PPP1R9A: variants seen among roughly 807,000 people sequenced by gnomAD.
PPP1R9A encodes the protein neurabin-1.
In PPP1R9A, 59 loss-of-function variants were observed where a neutral mutation model predicts 141.9. That is an observed-to-expected ratio of 0.42 (90% CI 0.34 to 0.52). The LOEUF (loss-of-function observed/expected upper bound fraction) is 0.52. PPP1R9A is among the 20% of genes least tolerant of loss of function. The pLI is 0.10. For missense variants in PPP1R9A, 1,444 were observed against 1,611.9 expected (o/e 0.90, Z 1.78); for synonymous variants, 500 against 569.7 (o/e 0.88, Z 1.74).
At chr7:95,186,523 A>T (rs952060578) in intron 5 of PPP1R9A, among the ~76,000 whole-genome samples, 2 of 152,058 alleles carry the variant, frequency 1.3e-5, no homozygotes, top group African/African-American at 4.8e-5. Flanking sequence ...CTTTTGTCTG[A>T]TTGCTATGGC....
intron 2 of PPP1R9A, among the ~76,000 whole-genome samples, chr7:95,048,321 A>G (rs1346922344): frequency 2.0e-5 from 3 of 152,164 alleles, no homozygotes; most frequent in Non-Finnish European, 4.4e-5. Flanking sequence ...GATAAACAGG[A>G]TCAGATCATA....
intron 16 of PPP1R9A, among the ~76,000 whole-genome samples, chr7:95,277,854 T>C (rs1803477073): frequency 6.6e-6 from 1 of 152,230 alleles, no homozygotes; most frequent in Admixed American, 6.5e-5. Context: ...TATTCTGGAG[T>C]AAGTAGCCAC....
At position 95,288,694 on chromosome 7, in the gene PPP1R9A, G is replaced by A. The variant is rs1277443138; in HGVS notation, c.3888G>A (p.Leu1296=). ...SAQNITGEQL[L]QLDGNKLKAL... ...AAAACATCACTGGAGAACAGCTCCT[G>A]CAGTTGGATGGAAATAAACTTAAGG... Residue 1296 remains leucine (L), a synonymous_variant, in exon 19 of 20, where the codon CTG becomes CTA. Transcript: ENST00000433360. The A allele has an allele frequency of 5.0e-6, 8 of 1,613,818 alleles. No individual in the cohort carries two copies. In the Admixed American group the frequency reaches 1.0e-4, roughly 20 times the overall value.
chr7:95,001,494 A>G (rs1043207068), intron 2 of PPP1R9A, among the ~76,000 whole-genome samples: 3 of 152,210 alleles, frequency 2.0e-5, no homozygotes, highest in African/African-American at 4.8e-5. Flanking sequence ...CATGTAATAC[A>G]CTAAGAAGTA....
intron 2 of PPP1R9A, among the ~76,000 whole-genome samples, chr7:94,985,902 A>C (rs758556340): frequency 1.3e-5 from 2 of 152,200 alleles, no homozygotes; most frequent in African/African-American, 2.4e-5. Flanking sequence ...GATATGAGAA[A>C]GTTTTCAGAA....
chr7:94,924,635 T>G (rs1461887620), intron 2 of PPP1R9A, among the ~76,000 whole-genome samples: 2 of 152,122 alleles, frequency 1.3e-5, no homozygotes, highest in Non-Finnish European at 2.9e-5. Context: ...TTCAAGCGAT[T>G]CTCCCACCTC....
At chr7:95,235,401 C>T (rs1433656162) in intron 8 of PPP1R9A, among the ~76,000 whole-genome samples, 1 of 152,030 alleles carries the variant, frequency 6.6e-6, no homozygotes, top group Admixed American at 6.6e-5. Flanking sequence ...AACAAATGTC[C>T]AACAAACATA....
intron 5 of PPP1R9A, among the ~76,000 whole-genome samples, chr7:95,173,209 G>A (rs1219003996): frequency 6.6e-6 from 1 of 151,842 alleles, no homozygotes; most frequent in East Asian, 1.9e-4. Context: ...TATATAAATT[G>A]GAGCTAGACA....
chr7:95,030,383 T>G (rs1322890753), intron 2 of PPP1R9A, among the ~76,000 whole-genome samples: 3 of 152,220 alleles, frequency 2.0e-5, no homozygotes, highest in Non-Finnish European at 4.4e-5. Flanking sequence ...CTTTGGCATT[T>G]GGTGGTGTTC....
At chr7:94,972,316 T>C (rs986450416) in intron 2 of PPP1R9A, among the ~76,000 whole-genome samples, 13 of 152,186 alleles carry the variant, frequency 8.5e-5, no homozygotes, top group African/African-American at 3.1e-4. Context: ...TCATGATTTA[T>C]TACATTAATG....
intron 7 of PPP1R9A, among the ~76,000 whole-genome samples, chr7:95,217,442 G>A (rs1269953719): frequency 1.3e-5 from 2 of 151,596 alleles, no homozygotes; most frequent in Non-Finnish European, 2.9e-5. Context: ...TTTTTTTGTT[G>A]TGTCTCTGCC....
chr7:95,185,132 C>T (rs1046829621), intron 5 of PPP1R9A, among the ~76,000 whole-genome samples: 11 of 151,166 alleles, frequency 7.3e-5, no homozygotes, highest in Non-Finnish European at 1.5e-4. Flanking sequence ...TGTGGTTATA[C>T]TAGATTACAT....
At chr7:95,125,791 T>G (rs1036305081) in intron 4 of PPP1R9A, among the ~76,000 whole-genome samples, 13 of 152,230 alleles carry the variant, frequency 8.5e-5, no homozygotes, top group African/African-American at 2.9e-4. Flanking sequence ...CTATGTAGTT[T>G]ATCCTCATTC....
chr7:95,000,289 G>C (rs1802737926), intron 2 of PPP1R9A, among the ~76,000 whole-genome samples: 1 of 152,130 alleles, frequency 6.6e-6, no homozygotes, highest in African/African-American at 2.4e-5. Context: ...GCATTGCAGT[G>C]TGTGCACATG....
rs141292254 is a variant in PPP1R9A at position 94,986,801 on chromosome 7, A to G, written c.1395+75293A>G. The stretch of plus-strand genomic sequence containing the variant: ...ATAGATTTATGATTTTGACTTTTGA[A>G]TAGACTATATACTTTTAAAAAGCTG... On this transcript the variant is annotated intron_variant, in intron 2 of 19. Coordinates refer to ENST00000433360, the MANE Select transcript of PPP1R9A (RefSeq NM_001166160.2). Among the ~76,000 whole-genome samples, 6 of 152,382 alleles carry G rather than the reference A, an allele frequency of 3.9e-5. No homozygotes were observed. The East Asian group carries it at 9.6e-4, about 24-fold the overall frequency.
chr7:94,946,752 A>C (rs1795937992), intron 2 of PPP1R9A, among the ~76,000 whole-genome samples: 1 of 152,082 alleles, frequency 6.6e-6, no homozygotes, highest in African/African-American at 2.4e-5. Context: ...TGAAGATACC[A>C]CTTCACTGTA....
At chr7:95,199,061 A>G (rs1020100287) in intron 6 of PPP1R9A, among the ~76,000 whole-genome samples, 16 of 152,230 alleles carry the variant, frequency 1.1e-4, no homozygotes, top group African/African-American at 1.9e-4. Context: ...GAGCAGATAC[A>G]TATTGGAATA....
intron 4 of PPP1R9A, among the ~76,000 whole-genome samples, chr7:95,149,792 A>T: frequency 8.4e-6 from 1 of 118,530 alleles, no homozygotes; most frequent in Non-Finnish European, 2.1e-5. Flanking sequence ...ACTTAATCTA[A>T]AGATTCAATG....
Position 95,290,222 on chromosome 7 carries a change from G to A in PPP1R9A, c.4044G>A (p.Lys1348=). ...MEKQREKLRR[K]EQEQMQRKSK... ...AACAAAGAGAAAAGCTAAGGAGAAA[G>A]GAGCAAGAGCAAATGCAGAGGAAGT... Residue 1348 remains lysine (K), a synonymous_variant, in exon 20 of 20, where the codon AAG becomes AAA. Transcript: ENST00000433360. 2 of 1,613,472 alleles carry A rather than the reference G, an allele frequency of 1.2e-6. No individual in the cohort carries two copies. Among genetic ancestry groups the A allele is most frequent in the Non-Finnish European group, 1.7e-6 (2 of 1,179,744 alleles).
Sources: gnomAD v4.1 joint callset for allele counts (sites outside exome capture counted in the v4.1 genomes callset) on GRCh38, gnomAD v4.1.1 for gene constraint, MANE v1.5 for transcripts, NCBI Gene and HGNC (gene_info 2026-07-23, HGNC 2026-07-21) for gene names.